Variants in PRR33 observed in about 807,000 individuals in gnomAD.
PRR33 encodes proline rich 33, also known as proline-rich protein 33.
A neutral mutation model predicts 0.5 loss-of-function variants in PRR33; 1 was observed. The observed-to-expected ratio is 2.18, with a 90% CI of 0.77 to 10.34. The LOEUF (loss-of-function observed/expected upper bound fraction) is 10.34, where lower values mean the gene tolerates loss of function less well. Ranked by LOEUF, PRR33 falls within the 30% of genes most tolerant of loss-of-function variation. The pLI, the probability that PRR33 is intolerant of heterozygous loss-of-function variation, is 0.13. For synonymous variants in PRR33, 226 were observed against 110.0 expected (o/e 2.06, Z -6.60); for missense variants, 552 against 251.8 (o/e 2.19, Z -8.07).
chr11:1,889,303 C>A, exon 1 of PRR33: 3 of 704,026 alleles, frequency 4.3e-6, no homozygotes, highest in East Asian at 2.7e-5. Flanking sequence ...GTGAGGCTGG[C>A]TGGGGTGTGC....
At chr11:1,916,073 T>C in the PRR33 span, among the ~76,000 whole-genome samples, 1 of 151,540 alleles carries the variant, frequency 6.6e-6, no homozygotes, top group African/African-American at 2.4e-5. Flanking sequence ...GGAAAGGAAG[T>C]GGTGAAGGTG....
chr11:1,889,393 A>G, exon 1 of PRR33: 2 of 696,724 alleles, frequency 2.9e-6, no homozygotes, highest in Non-Finnish European at 2.7e-6. Flanking sequence ...CACATCCTGG[A>G]GGTCCGGGAG....
chr11:1,915,106 GT>G, the PRR33 span, among the ~76,000 whole-genome samples: 2 of 145,388 alleles, frequency 1.4e-5, no homozygotes, highest in Admixed American at 1.4e-4. Flanking sequence ...GTGTCTGTGT[GT>G]TTTGTGGGGT....
chr11:1,899,908 G>T, the PRR33 span, among the ~76,000 whole-genome samples: 1 of 152,068 alleles, frequency 6.6e-6, no homozygotes, highest in South Asian at 2.1e-4. Context: ...TGTTTCAATG[G>T]CCCATCAAGT....
chr11:1,896,703 T>G (rs1849128452), upstream of PRR33, among the ~76,000 whole-genome samples: 2 of 152,196 alleles, frequency 1.3e-5, no homozygotes, highest in Admixed American at 6.5e-5. Context: ...AGGGCGGACA[T>G]CCCAGCCTCC....
At chr11:1,916,321 T>C in the PRR33 span, among the ~76,000 whole-genome samples, 1 of 152,144 alleles carries the variant, frequency 6.6e-6, no homozygotes, top group Non-Finnish European at 1.5e-5. Context: ...CACTATTTTC[T>C]GAAGGCTTCA....
At chr11:1,917,279 C>A in the PRR33 span, among the ~76,000 whole-genome samples, 1 of 152,200 alleles carries the variant, frequency 6.6e-6, no homozygotes, top group African/African-American at 2.4e-5. Flanking sequence ...ACCATGCGCA[C>A]TGGGTGCTGG....
chr11:1,905,043 C>T, the PRR33 span, among the ~76,000 whole-genome samples: 1 of 151,076 alleles, frequency 6.6e-6, no homozygotes, highest in African/African-American at 2.4e-5. Flanking sequence ...TATTTCCTTT[C>T]TTCTGCCCAC....
At chr11:1,905,122 CTT>C in the PRR33 span, among the ~76,000 whole-genome samples, 28,432 of 94,994 alleles carry the variant, frequency 0.3, 2,395 homozygotes, top group Non-Finnish European at 0.39. Flanking sequence ...CTTGAGAATT[CTT>C]TTTTTTTTTT....
the PRR33 span, among the ~76,000 whole-genome samples, chr11:1,913,425 C>T: frequency 0.02 from 2,976 of 151,672 alleles, 72 homozygotes; most frequent in East Asian, 0.11. Context: ...GGATTACAGG[C>T]GTGAGCCACC....
At chr11:1,894,234 T>A (rs1177870789), upstream of PRR33, among the ~76,000 whole-genome samples, 1 of 148,244 alleles carries the variant, frequency 6.7e-6, no homozygotes, top group African/African-American at 2.5e-5. Flanking sequence ...AGTGTGTGTG[T>A]GTGTGTGTGT....
the PRR33 span, chr11:1,889,549 TC>T: frequency 1.6e-6 from 1 of 612,678 alleles, no homozygotes. Flanking sequence ...AGCAGCTGCT[TC>T]TTGAGCCACG....
exon 1 of PRR33, chr11:1,889,865 G>A (rs1200819154): frequency 1.6e-6 from 1 of 630,996 alleles, no homozygotes; most frequent in Non-Finnish European, 2.9e-6. Flanking sequence ...CCTCAGGCAA[G>A]GGACTGGCAG....
chr11:1,895,352 C>G (rs1849112804), upstream of PRR33, among the ~76,000 whole-genome samples: 1 of 152,068 alleles, frequency 6.6e-6, no homozygotes, highest in Admixed American at 6.6e-5. Flanking sequence ...AGGCTGGTCT[C>G]GAATTCCTGA....
At chr11:1,899,913 T>C in the PRR33 span, among the ~76,000 whole-genome samples, 1 of 152,120 alleles carries the variant, frequency 6.6e-6, no homozygotes, top group Non-Finnish European at 1.5e-5. Flanking sequence ...CAATGGCCCA[T>C]CAAGTAGCAG....
At chr11:1,890,984 C>T (rs1848976468) in exon 1 of PRR33, 1 of 180,274 alleles carries the variant, frequency 5.5e-6, no homozygotes, top group African/African-American at 2.3e-5. Context: ...CAGGCATGCC[C>T]CTGGCCAGCT....
chr11:1,900,678 A>G, the PRR33 span, among the ~76,000 whole-genome samples: 1 of 152,262 alleles, frequency 6.6e-6, no homozygotes, highest in African/African-American at 2.4e-5. Context: ...GTGGCCTACA[A>G]TAACTTAACT....
At chr11:1,916,622 G>A in the PRR33 span, among the ~76,000 whole-genome samples, 1 of 152,128 alleles carries the variant, frequency 6.6e-6, no homozygotes, top group African/African-American at 2.4e-5. Flanking sequence ...ACCAGGGGCA[G>A]GGGGTAGTTG....
chr11:1,905,894 T>C, the PRR33 span, among the ~76,000 whole-genome samples: 1 of 151,614 alleles, frequency 6.6e-6, no homozygotes, highest in Admixed American at 6.6e-5. Context: ...TCACAGCTCA[T>C]GGCAGCCTTG....
Sources: gnomAD v4.1 joint callset for allele counts (sites outside exome capture counted in the v4.1 genomes callset) on GRCh38, gnomAD v4.1.1 for gene constraint, MANE v1.5 for transcripts, NCBI Gene and HGNC (gene_info 2026-07-23, HGNC 2026-07-21) for gene names.